Variants in USP12 observed in about 807,000 individuals in gnomAD.
USP12 encodes the protein ubiquitin specific peptidase 12.
USP12 carries 19 observed loss-of-function variants against 45.5 expected under a neutral mutation model. That is an observed-to-expected ratio of 0.42 (90% CI 0.29 to 0.61). USP12 has a LOEUF of 0.61. USP12 is among the 20% of genes least tolerant of loss of function. The probability of loss-of-function intolerance (pLI) is 0.22; values close to 1 mark genes in which losing one functional copy is unlikely to be tolerated. For missense variants in USP12, 242 were observed against 447.7 expected, an observed-to-expected ratio of 0.54 and a Z score of 4.15; for synonymous variants, 149 against 148.8, an observed-to-expected ratio of 1.00 and a Z score of -0.01.
chr13:27,138,213 C>T (rs1417373973), intron 1 of USP12, among the ~76,000 whole-genome samples: 1 of 149,102 alleles, frequency 6.7e-6, no homozygotes, highest in African/African-American at 2.6e-5. Flanking sequence ...AATACTGCTA[C>T]CATCCATTTA....
At chr13:27,152,416 G>GTTTATATAATTAT (rs1877610754) in intron 1 of USP12, among the ~76,000 whole-genome samples, 1 of 152,076 alleles carries the variant, frequency 6.6e-6, no homozygotes, top group Non-Finnish European at 1.5e-5. Context: ...AAAGTCCAAA[G>GTTTATATAATTAT]CAGATAATTA....
intron 1 of USP12, among the ~76,000 whole-genome samples, chr13:27,127,083 C>T (rs1298837484): frequency 2.0e-5 from 3 of 152,180 alleles, no homozygotes; most frequent in African/African-American, 7.2e-5. Context: ...TTGGTCTATA[C>T]TTCCTCCTCT....
At chr13:27,107,554 G>GTGCA (rs1875200858) in intron 2 of USP12, among the ~76,000 whole-genome samples, 1 of 152,172 alleles carries the variant, frequency 6.6e-6, no homozygotes, top group African/African-American at 2.4e-5. Flanking sequence ...GTATGTCTGT[G>GTGCA]TGCATGCATG....
intron 3 of USP12, among the ~76,000 whole-genome samples, chr13:27,103,390 A>T (rs1382952225): frequency 2.0e-5 from 3 of 151,598 alleles, no homozygotes; most frequent in Non-Finnish European, 4.4e-5. Flanking sequence ...AGCAACATCA[A>T]ATAATAAAAA....
chr13:27,141,012 C>CTTTTT (rs11455614), intron 1 of USP12, among the ~76,000 whole-genome samples: 7 of 122,574 alleles, frequency 5.7e-5, no homozygotes, highest in Non-Finnish European at 1.0e-4. Flanking sequence ...TGTGAAGTCA[C>CTTTTT]TTTTTTTTTT....
intron 7 of USP12, 104 bp from the exon 8 acceptor site, chr13:27,071,253 A>G: frequency 1.0e-6 from 1 of 960,234 alleles, no homozygotes; most frequent in Non-Finnish European, 1.5e-6. Flanking sequence ...AAATAGCAGT[A>G]AAAAAGAACT....
At chr13:27,138,113 G>C (rs1290573811) in intron 1 of USP12, among the ~76,000 whole-genome samples, 2 of 152,218 alleles carry the variant, frequency 1.3e-5, no homozygotes, top group East Asian at 3.8e-4. Flanking sequence ...GCCTTGCAGA[G>C]GGCACGGCTT....
intron 6 of USP12, among the ~76,000 whole-genome samples, chr13:27,085,831 A>T (rs949425091): frequency 1.3e-5 from 2 of 152,038 alleles, no homozygotes; most frequent in Non-Finnish European, 2.9e-5. Context: ...GGATTTAGAC[A>T]ACTGGTAGAT....
At chr13:27,126,486 A>G (rs1361707163) in intron 1 of USP12, among the ~76,000 whole-genome samples, 1 of 152,234 alleles carries the variant, frequency 6.6e-6, no homozygotes, top group Non-Finnish European at 1.5e-5. Context: ...TTTTCATTAT[A>G]GCTTTTCATG....
intron 1 of USP12, among the ~76,000 whole-genome samples, chr13:27,166,733 T>C (rs995666753): frequency 6.6e-6 from 1 of 152,230 alleles, no homozygotes; most frequent in East Asian, 1.9e-4. Context: ...ACAAGTCTTA[T>C]CTTTGTGATA....
chr13:27,102,768 T>C (rs1565990216), intron 3 of USP12, among the ~76,000 whole-genome samples: 2 of 152,236 alleles, frequency 1.3e-5, no homozygotes. Context: ...CATCACACAA[T>C]TGATGGCTGT....
At chr13:27,161,828 G>C (rs1263272653) in intron 1 of USP12, among the ~76,000 whole-genome samples, 1 of 151,906 alleles carries the variant, frequency 6.6e-6, no homozygotes, top group Non-Finnish European at 1.5e-5. Context: ...GTTTCAATGA[G>C]GCGAGACTGC....
chr13:27,169,491 G>C (rs938918842), intron 1 of USP12, among the ~76,000 whole-genome samples: 6 of 151,980 alleles, frequency 3.9e-5, no homozygotes, highest in Non-Finnish European at 7.3e-5. Flanking sequence ...ACTATTTGGG[G>C]GTACATTCGA....
chr13:27,153,074 G>A (rs1283727035), intron 1 of USP12, among the ~76,000 whole-genome samples: 2 of 152,200 alleles, frequency 1.3e-5, no homozygotes, highest in Non-Finnish European at 2.9e-5. Flanking sequence ...GCTCACACCT[G>A]TAATCCCAGT....
intron 2 of USP12, among the ~76,000 whole-genome samples, chr13:27,106,267 A>G (rs1464370365): frequency 1.3e-5 from 2 of 152,178 alleles, no homozygotes; most frequent in Admixed American, 6.5e-5. Flanking sequence ...ATGCCAAGTC[A>G]CAGTATTCAT....
chr13:27,094,182 T>TA (rs1874452501), intron 4 of USP12, among the ~76,000 whole-genome samples: 4 of 24,412 alleles, frequency 1.6e-4, no homozygotes, highest in East Asian at 4.5e-3. Flanking sequence ...GCAAGGGGAT[T>TA]TAAAAAAAAA....
intron 6 of USP12, among the ~76,000 whole-genome samples, chr13:27,087,290 C>T (rs1160160343): frequency 1.4e-5 from 2 of 147,956 alleles, no homozygotes; most frequent in Non-Finnish European, 3.0e-5. Context: ...TGTGCGCGCA[C>T]GCTCGTGTGC....
chr13:27,069,488 G>A, intron 8 of USP12, 104 bp from the exon 9 acceptor site: 10 of 866,848 alleles, frequency 1.2e-5, no homozygotes, highest in Non-Finnish European at 1.5e-5. Context: ...GAAAATGTGG[G>A]GAAAATGGAA....
Position 27,087,285 on chromosome 13 carries a change from G to A in USP12, c.734+2598C>T, listed in dbSNP as rs575452551. 6.3e-3 allele frequency among the ~76,000 whole-genome samples: 909 copies of A among 145,034 alleles called. 13 individuals are homozygous for A. Among genetic ancestry groups the A allele is most frequent in the African/African-American group, 0.021 (835 of 39,154 alleles). On this transcript the variant is annotated intron_variant, in intron 6 of 8. Coordinates refer to ENST00000282344, the MANE Select transcript of USP12 (RefSeq NM_182488.4). ...TGTGTGTGTGTGTGTGTGTGTGTGCGCGCACGCTCGTGTGCATGCAGGGAG... is the reference window on the plus strand; with the variant it reads ...TGTGTGTGTGTGTGTGTGTGTGTGCACGCACGCTCGTGTGCATGCAGGGAG...
Sources: gnomAD v4.1 joint callset for allele counts (sites outside exome capture counted in the v4.1 genomes callset) on GRCh38, gnomAD v4.1.1 for gene constraint, MANE v1.5 for transcripts, NCBI Gene and HGNC (gene_info 2026-07-23, HGNC 2026-07-21) for gene names.